FAM135B: variants seen among roughly 807,000 people sequenced by gnomAD.
FAM135B encodes protein FAM135B.
Under a neutral mutation model 127.7 loss-of-function variants are expected in FAM135B, and 43 were observed. The observed-to-expected ratio is 0.34, with a 90% CI of 0.26 to 0.43. FAM135B has a LOEUF of 0.43. Ranked by LOEUF, FAM135B falls within the 20% of genes least tolerant of loss-of-function variation. The pLI is 1.00. For missense variants in FAM135B, 1,558 were observed against 1,725.6 expected (o/e 0.90, Z 1.72); for synonymous variants, 670 against 665.1 (o/e 1.01, Z -0.11).
chr8:138,303,059 A>G (rs984975087), intron 3 of FAM135B, among the ~76,000 whole-genome samples: 3 of 152,178 alleles, frequency 2.0e-5, no homozygotes, highest in Admixed American at 1.3e-4. Context: ...CAGAAATACC[A>G]TTTGCCCTAG....
rs117728596 is a variant in FAM135B at position 138,193,717 on chromosome 8, C to T, written c.873+1541G>A. On this transcript the variant is annotated intron_variant, in intron 9 of 19. Transcript: ENST00000395297. ...AGCCCTGGAAGGAGAGGCCATCTCA[C>T]CAGAGAAGAGCAGACCCCATGAGCA... is the stretch of plus-strand genomic sequence containing the variant. 2.3e-4 allele frequency among the ~76,000 whole-genome samples: 35 copies of T among 152,276 alleles called. No individual in the cohort carries two copies. The East Asian group carries it at 6.8e-3, about 29-fold the overall frequency.
chr8:138,261,352 T>C (rs1822525190), intron 4 of FAM135B, among the ~76,000 whole-genome samples: 1 of 152,210 alleles, frequency 6.6e-6, no homozygotes, highest in African/African-American at 2.4e-5. Context: ...TATGTAATCT[T>C]TTCCTCTTCT....
chr8:138,186,112 A>G (rs1037647377), intron 9 of FAM135B, among the ~76,000 whole-genome samples: 4 of 152,054 alleles, frequency 2.6e-5, no homozygotes, highest in Admixed American at 2.0e-4. Flanking sequence ...CCCAGGCTCC[A>G]TGCCGGCCTC....
rs908816534 is a variant in FAM135B, at chr8:138,243,672, T to C, written c.543-604A>G. ...TGCAATCCAAAGATTAATGGACATA[T>C]TGTGATGGCAATGATCAATTTCAGG... On this transcript the variant is annotated intron_variant, in intron 6 of 19. Transcript: ENST00000395297. The surrounding 1 kb of genome is among the most constrained non-coding windows in gnomAD (Gnocchi z 7.5). Among the ~76,000 whole-genome samples the C allele has an allele frequency of 3.3e-5, 5 of 152,218 alleles. No individual in the cohort carries two copies. Among genetic ancestry groups the C allele is most frequent in the African/African-American group, 1.2e-4 (5 of 41,460 alleles).
At chr8:138,312,818 C>G (rs1190377928) in intron 2 of FAM135B, among the ~76,000 whole-genome samples, 1 of 152,186 alleles carries the variant, frequency 6.6e-6, no homozygotes, top group Non-Finnish European at 1.5e-5. Context: ...GAGAACCCCA[C>G]CTGTTCAGTT....
At chr8:138,283,067 ATT>A (rs1280410781) in intron 3 of FAM135B, among the ~76,000 whole-genome samples, 1 of 151,900 alleles carries the variant, frequency 6.6e-6, no homozygotes, top group African/African-American at 2.4e-5. Context: ...TGCCCAGCTA[ATT>A]TTTGTATTTT....
intron 4 of FAM135B, among the ~76,000 whole-genome samples, chr8:138,265,113 T>A (rs7816995): frequency 0.41 from 62,960 of 151,988 alleles, 13,249 homozygotes; most frequent in African/African-American, 0.44. Context: ...AATGATGCTG[T>A]TTCCCCTTGT....
At chr8:138,431,107 C>T (rs1208318078) in intron 1 of FAM135B, among the ~76,000 whole-genome samples, 1 of 152,052 alleles carries the variant, frequency 6.6e-6, no homozygotes, top group South Asian at 2.1e-4. Flanking sequence ...TTATGTTCAC[C>T]TCCAGCTAAC....
intron 11 of FAM135B, among the ~76,000 whole-genome samples, chr8:138,175,762 T>G (rs1042081537): frequency 3.9e-5 from 6 of 152,222 alleles, no homozygotes; most frequent in Non-Finnish European, 7.3e-5. Context: ...TCTTGCTTTT[T>G]TCTTCCACTT....
In FAM135B at chr8:138,141,401, C is replaced by G. The variant is rs79507130; in HGVS notation, c.3639-52G>C. 6.3e-7 allele frequency: 1 copy of G among 1,587,682 alleles called. No homozygotes were observed. The highest frequency in any genetic ancestry group is 8.6e-7 in the Non-Finnish European group (1 of 1,158,150). ...TGAGTGTGACGGTGAATGCTGCTGC[C>G]CAAGAGTGCAGTGCTGGAAGCATCA... On this transcript the variant is annotated intron_variant, in intron 16 of 19. Transcript: ENST00000395297. This position sits in a 1 kb window ranked among gnomAD's most constrained non-coding sequence, Gnocchi z 4.7.
chr8:138,194,280 T>G (rs1351709724), intron 9 of FAM135B, among the ~76,000 whole-genome samples: 3 of 152,178 alleles, frequency 2.0e-5, no homozygotes, highest in Non-Finnish European at 4.4e-5. Flanking sequence ...CCTCCAGCTC[T>G]AGGCTCCCAA....
intron 1 of FAM135B, among the ~76,000 whole-genome samples, chr8:138,372,409 T>C (rs1831191692): frequency 6.6e-6 from 1 of 152,192 alleles, no homozygotes. Flanking sequence ...CTGAAGCCTA[T>C]GTCTAGAGAT....
At chr8:138,159,001 G>A (rs1272665249) in intron 12 of FAM135B, among the ~76,000 whole-genome samples, 3 of 151,702 alleles carry the variant, frequency 2.0e-5, no homozygotes, top group African/African-American at 2.4e-5. Context: ...GGCCGGGCGT[G>A]GTGGCTCACG....
chr8:138,178,781 T>A (rs2130985961), intron 9 of FAM135B, 91 bp from the exon 10 acceptor site: 1 of 1,126,772 alleles, frequency 8.9e-7, no homozygotes, highest in Non-Finnish European at 1.3e-6. Flanking sequence ...ACTTTTCTGT[T>A]TTCAATAAAG....
At chr8:138,236,785 T>A (rs1820308130) in intron 7 of FAM135B, among the ~76,000 whole-genome samples, 1 of 152,242 alleles carries the variant, frequency 6.6e-6, no homozygotes. Flanking sequence ...TGGTGAAATG[T>A]GTAATTTTTA....
intron 12 of FAM135B, among the ~76,000 whole-genome samples, chr8:138,163,666 C>G (rs555288626): frequency 6.6e-6 from 1 of 152,112 alleles, no homozygotes; most frequent in Non-Finnish European, 1.5e-5. Context: ...GTGATGCCTC[C>G]CTAGCCACGT....
intron 17 of FAM135B, among the ~76,000 whole-genome samples, chr8:138,140,144 G>A (rs926988184): frequency 3.3e-5 from 5 of 152,204 alleles, no homozygotes; most frequent in Non-Finnish European, 7.3e-5. Context: ...AAGACAGAGT[G>A]CAGAGGAAAG....
chr8:138,186,647 G>T (rs1347923918), intron 9 of FAM135B, among the ~76,000 whole-genome samples: 1 of 152,164 alleles, frequency 6.6e-6, no homozygotes, highest in Non-Finnish European at 1.5e-5. Context: ...AGCCACATCC[G>T]TGCAGCAGTT....
At position 138,159,221 on chromosome 8, in the gene FAM135B, G is replaced by A. The variant is rs555282041; in HGVS notation, c.1259-6005C>T. On this transcript the variant is annotated intron_variant, in intron 12 of 19. Coordinates refer to ENST00000395297, the MANE Select transcript of FAM135B (RefSeq NM_015912.4). ...CGGGAAGCGGAGCTTGCAGTGAGCCGAGATTGCGCCACTGCAGTCTGCAGT... is the reference window on the plus strand; with the variant it reads ...CGGGAAGCGGAGCTTGCAGTGAGCCAAGATTGCGCCACTGCAGTCTGCAGT... Among the ~76,000 whole-genome samples the A allele has an allele frequency of 3.1e-3, 411 of 133,924 alleles. 5 individuals carry two copies. Among genetic ancestry groups the A allele is most frequent in the African/African-American group, 0.011 (384 of 35,596 alleles). 87.9% of individuals were successfully genotyped at this position (133,924 alleles called of 152,430 possible). A position where few individuals can be genotyped will look rare whatever the true frequency, so the allele number is the denominator to read the frequency against.
Sources: allele counts gnomAD v4.1 joint callset (sites outside exome capture counted in the v4.1 genomes callset), GRCh38; gene constraint gnomAD v4.1.1; non-coding constraint Gnocchi (gnomAD v3.1); transcripts MANE v1.5; gene names NCBI Gene and HGNC (gene_info 2026-07-23, HGNC 2026-07-21).